The following CSGALNACT1 variants were observed in gnomAD, a reference collection of about 807,000 sequenced individuals.
CSGALNACT1 encodes beta4GalNAcT-1.
A neutral mutation model predicts 51.0 loss-of-function variants in CSGALNACT1; 52 were observed. The observed-to-expected ratio is 1.02, with a 90% confidence interval of 0.82 to 1.29. CSGALNACT1 has a LOEUF of 1.29. CSGALNACT1 is among the 50% of genes most tolerant of loss of function. The pLI, the probability that CSGALNACT1 is intolerant of heterozygous loss-of-function variation, is 0.00. For missense variants in CSGALNACT1, 935 were observed against 679.2 expected (o/e 1.38, Z -4.19); for synonymous variants, 341 against 254.4 (o/e 1.34, Z -3.24).
chr8:19,404,290 A>C (rs1299508692), exon 10 of CSGALNACT1: 2 of 451,066 alleles, frequency 4.4e-6, no homozygotes, highest in Non-Finnish European at 8.9e-6. Flanking sequence ...CAACAGCTTG[A>C]ATGTTCTTGA....
intron 4 of CSGALNACT1, among the ~76,000 whole-genome samples, chr8:19,472,319 GGAACCAAAAGGT>G (rs1384120802): frequency 1.3e-5 from 2 of 152,176 alleles, no homozygotes; most frequent in Non-Finnish European, 2.9e-5. Context: ...GCAATAAGCA[GGAACCAAAAGGT>G]CAAAGACCAA....
At chr8:19,596,041 T>C (rs1244036659) in intron 2 of CSGALNACT1, among the ~76,000 whole-genome samples, 1 of 152,028 alleles carries the variant, frequency 6.6e-6, no homozygotes, top group Non-Finnish European at 1.5e-5. Flanking sequence ...TTTTTAAAAA[T>C]ATTTTTATAG....
At chr8:19,468,341 C>T (rs955349845) in intron 4 of CSGALNACT1, among the ~76,000 whole-genome samples, 2 of 152,102 alleles carry the variant, frequency 1.3e-5, no homozygotes, top group Non-Finnish European at 2.9e-5. Flanking sequence ...AACAGGCAGA[C>T]ACGAATGGGG....
At chr8:19,593,528 C>A (rs2048274554) in intron 2 of CSGALNACT1, among the ~76,000 whole-genome samples, 1 of 152,136 alleles carries the variant, frequency 6.6e-6, no homozygotes, top group Admixed American at 6.5e-5. Context: ...TACACTAGGG[C>A]CATCTGCAGG....
intron 9 of CSGALNACT1, 120 bp from the exon 9 acceptor site, chr8:19,406,189 AC>A (rs1419207383): frequency 1.7e-6 from 2 of 1,167,952 alleles, no homozygotes; most frequent in Non-Finnish European, 2.5e-6. Context: ...CTTCACCACC[AC>A]CCCTCCAAGG....
chr8:19,630,684 A>G (rs1431050076), intron 1 of CSGALNACT1, among the ~76,000 whole-genome samples: 2 of 152,166 alleles, frequency 1.3e-5, no homozygotes, highest in Admixed American at 6.5e-5. Context: ...TGCTGTCTCT[A>G]TAGTTTTATC....
chr8:19,514,221 A>G (rs1301653647), intron 3 of CSGALNACT1, among the ~76,000 whole-genome samples: 5 of 151,878 alleles, frequency 3.3e-5, no homozygotes, highest in Non-Finnish European at 5.9e-5. Flanking sequence ...TTAAATGCCA[A>G]GAGTTTGGAG....
chr8:19,432,226 G>T (rs2059752290), intron 6 of CSGALNACT1, among the ~76,000 whole-genome samples: 1 of 152,144 alleles, frequency 6.6e-6, no homozygotes, highest in African/African-American at 2.4e-5. Flanking sequence ...GAATGGTTTT[G>T]CTGATAACAG....
At chr8:19,473,153 G>A (rs1310671727) in intron 4 of CSGALNACT1, among the ~76,000 whole-genome samples, 1 of 152,156 alleles carries the variant, frequency 6.6e-6, no homozygotes, top group East Asian at 1.9e-4. Flanking sequence ...ACCCAGAGAT[G>A]TAAAGATTTT....
chr8:19,690,061 C>G (rs2154214622), intron 1 of CSGALNACT1, among the ~76,000 whole-genome samples: 1 of 152,246 alleles, frequency 6.6e-6, no homozygotes, highest in African/African-American at 2.4e-5. Context: ...TAACAGGACT[C>G]AACAAATAAA....
chr8:19,746,193 T>C (rs1205776755), intron 1 of CSGALNACT1, among the ~76,000 whole-genome samples: 2 of 152,302 alleles, frequency 1.3e-5, no homozygotes, highest in East Asian at 3.9e-4. Flanking sequence ...CCTAGCGTAG[T>C]AATATATTCC....
chr8:19,429,528 G>A (rs1352835761), intron 6 of CSGALNACT1, among the ~76,000 whole-genome samples: 2 of 152,144 alleles, frequency 1.3e-5, no homozygotes, highest in African/African-American at 4.8e-5. Flanking sequence ...ATGTTTTTGA[G>A]GTTCATCCCA....
In CSGALNACT1 at chr8:19,420,538, A is replaced by G. The variant is rs1468598245; in HGVS notation, c.954-20T>C. ...GCAGCTCTGAAAGGCAAGACCAGGTACTGTCACTCACATTCCCACATGTTG... is the reference window on the plus strand; with the variant it reads ...GCAGCTCTGAAAGGCAAGACCAGGTGCTGTCACTCACATTCCCACATGTTG... On this transcript the variant is annotated intron_variant, in intron 6 of 9. Coordinates refer to ENST00000454498, the Ensembl canonical transcript of CSGALNACT1. 5 of 1,612,104 alleles carry G rather than the reference A, an allele frequency of 3.1e-6. 1 individual carries two copies. The South Asian group carries it at 5.5e-5, about 18-fold the overall frequency.
chr8:19,621,298 G>T (rs2053795007), intron 1 of CSGALNACT1, among the ~76,000 whole-genome samples: 1 of 152,088 alleles, frequency 6.6e-6, no homozygotes, highest in Non-Finnish European at 1.5e-5. Flanking sequence ...TGCAAATCTT[G>T]AATTTTGTAC....
chr8:19,642,217 G>T (rs2056816598), intron 1 of CSGALNACT1, among the ~76,000 whole-genome samples: 1 of 152,116 alleles, frequency 6.6e-6, no homozygotes, highest in Non-Finnish European at 1.5e-5. Context: ...TTTGCTGTAG[G>T]AAGGGTAGAG....
chr8:19,565,369 T>A (rs79979480), intron 3 of CSGALNACT1, among the ~76,000 whole-genome samples: 4,232 of 152,306 alleles, frequency 0.028, 195 homozygotes, highest in African/African-American at 0.097. Flanking sequence ...GTAGCAGGAC[T>A]GCCTACTTGG....
At chr8:19,671,630 G>C (rs1398734308) in intron 1 of CSGALNACT1, among the ~76,000 whole-genome samples, 1 of 152,118 alleles carries the variant, frequency 6.6e-6, no homozygotes, top group East Asian at 1.9e-4. Context: ...TCTATTAGGA[G>C]AGAAACACAA....
At chr8:19,514,609 T>C (rs2079155239) in intron 3 of CSGALNACT1, among the ~76,000 whole-genome samples, 1 of 147,220 alleles carries the variant, frequency 6.8e-6, no homozygotes, top group Middle Eastern at 3.5e-3. Context: ...TCCCTTGAGG[T>C]TAGGAGTTTG....
chr8:19,537,238 C>G lies in CSGALNACT1; in HGVS notation c.-296-31108G>C, dbSNP rs1588008038. Among the ~76,000 whole-genome samples, 3 of 152,288 alleles carry G rather than the reference C, an allele frequency of 2.0e-5. No individual in the cohort carries two copies. The South Asian group carries it at 6.2e-4, about 32-fold the overall frequency. Reference sequence around the variant, plus strand: ...TTGAGGCTGTAACTACACTCCCCCTCCTTCTTTGCAGTTTTGATGGGACAG... The same window carrying G: ...TTGAGGCTGTAACTACACTCCCCCTGCTTCTTTGCAGTTTTGATGGGACAG... On this transcript the variant is annotated intron_variant, in intron 3 of 9. Transcript: ENST00000454498.
Sources: gnomAD v4.1 joint callset for allele counts (sites outside exome capture counted in the v4.1 genomes callset) on GRCh38, gnomAD v4.1.1 for gene constraint, MANE v1.5 for transcripts, NCBI Gene and HGNC (gene_info 2026-07-23, HGNC 2026-07-21) for gene names.